RBMS3: variants seen among roughly 807,000 people sequenced by gnomAD.
RBMS3 encodes RNA binding motif single stranded interacting protein 3.
RBMS3 carries 27 observed loss-of-function variants against 66.8 expected under a neutral mutation model. The ratio of observed to expected loss-of-function variants is 0.40; its 90% confidence interval spans 0.30 to 0.56. RBMS3 has a LOEUF of 0.56. Ranked by LOEUF, RBMS3 falls within the 20% of genes least tolerant of loss-of-function variation. RBMS3 has a pLI of 0.40. For missense variants in RBMS3, 513 were observed against 549.5 expected (o/e 0.93, Z 0.66); for synonymous variants, 188 against 183.0 (o/e 1.03, Z -0.22).
At chr3:29,455,394 A>C (rs1465126093) in intron 2 of RBMS3, among the ~76,000 whole-genome samples, 1 of 152,170 alleles carries the variant, frequency 6.6e-6, no homozygotes, top group African/African-American at 2.4e-5. Flanking sequence ...GGTAGAGTCG[A>C]TTCTTGTTAT....
In RBMS3 at chr3:29,456,234, T is replaced by C. The variant is rs140201008; in HGVS notation, c.248+21319T>C. Among the ~76,000 whole-genome samples, 947 of 152,344 alleles carry C rather than the reference T, an allele frequency of 6.2e-3. 11 individuals carry two copies. The highest frequency in any genetic ancestry group is 0.022 in the African/African-American group (904 of 41,574). ...AAGTAGAGTTTACTTTAAAATTATG[T>C]GATATCCAAAGTATCCTTTATTTAT... On this transcript the variant is annotated intron_variant, in intron 2 of 14. Coordinates refer to ENST00000383767, the MANE Select transcript of RBMS3 (RefSeq NM_001003793.3).
intron 2 of RBMS3, among the ~76,000 whole-genome samples, chr3:29,435,996 C>T (rs1349356547): frequency 1.4e-5 from 2 of 146,732 alleles, no homozygotes; most frequent in African/African-American, 2.5e-5. Context: ...GAAGACGAAT[C>T]GTAGACCTGT....
rs2031740522 is a variant in RBMS3, at chr3:29,281,210, TTCTC to T, written c.-464_-461del. 1 of 150,050 alleles carries T rather than the reference TTCTC, an allele frequency of 6.7e-6. No individual in the cohort carries two copies. Among genetic ancestry groups the T allele is most frequent in the Non-Finnish European group, 1.5e-5 (1 of 67,866 alleles). 9.3% of individuals were successfully genotyped at this position (150,050 alleles called of 1,614,324 possible). On this transcript the variant is annotated 5_prime_UTR_variant, in exon 1 of 15. Coordinates refer to ENST00000383767, the MANE Select transcript of RBMS3 (RefSeq NM_001003793.3). The stretch of plus-strand genomic sequence containing the variant: ...TTTCTTTTTCTTTCTTTCTTTCTCT[TTCTC>T]TCTCTCTTTTTTCTTTTTCTTTAAG...
chr3:29,847,034 T>C (rs1239858359), intron 6 of RBMS3, among the ~76,000 whole-genome samples: 1 of 152,196 alleles, frequency 6.6e-6, no homozygotes, highest in Admixed American at 6.5e-5. Flanking sequence ...CCATATCGCA[T>C]GATACACGAT....
intron 2 of RBMS3, among the ~76,000 whole-genome samples, chr3:29,439,934 T>C (rs1368526894): frequency 6.6e-6 from 1 of 152,212 alleles, no homozygotes; most frequent in East Asian, 1.9e-4. Context: ...GGATCATATA[T>C]ATCCTTTATG....
At chr3:29,826,317 T>G (rs1184714430) in intron 6 of RBMS3, among the ~76,000 whole-genome samples, 2 of 152,172 alleles carry the variant, frequency 1.3e-5, no homozygotes, top group Non-Finnish European at 2.9e-5. Flanking sequence ...ACACTGTATT[T>G]TTTATCAGAA....
intron 4 of RBMS3, chr3:29,730,874 A>G (rs2054101775): frequency 1.0e-6 from 1 of 984,808 alleles, no homozygotes; most frequent in Non-Finnish European, 1.2e-6. Context: ...ATGTTAATTT[A>G]GCATTTTCTC....
chr3:29,842,527 C>A (rs1001945369), intron 6 of RBMS3, among the ~76,000 whole-genome samples: 1 of 152,118 alleles, frequency 6.6e-6, no homozygotes, highest in Admixed American at 6.5e-5. Context: ...TTATTATCTA[C>A]AACAATACTT....
intron 9 of RBMS3, among the ~76,000 whole-genome samples, chr3:29,898,036 G>A (rs542688612): frequency 2.6e-5 from 4 of 151,666 alleles, no homozygotes; most frequent in East Asian, 3.9e-4. Flanking sequence ...CAGGGGTTCC[G>A]CATGTTGGAA....
chr3:29,990,460 C>CAAAAAAAAAAAAAAAAAA (rs10596526), intron 13 of RBMS3, among the ~76,000 whole-genome samples: 2 of 106,514 alleles, frequency 1.9e-5, no homozygotes. Context: ...CTGTGAGAAA[C>CAAAAAAAAAAAAAAAAAA]AAAAAAAAAA....
At chr3:29,380,208 AAT>A (rs1491291937) in intron 1 of RBMS3, among the ~76,000 whole-genome samples, 1 of 108,300 alleles carries the variant, frequency 9.2e-6, no homozygotes, top group African/African-American at 3.6e-5. Context: ...TTAGTAGGGG[AAT>A]CTCACACACA....
intron 4 of RBMS3, among the ~76,000 whole-genome samples, chr3:29,659,827 G>A (rs1477462013): frequency 6.6e-6 from 1 of 152,038 alleles, no homozygotes; most frequent in African/African-American, 2.4e-5. Context: ...TACAGCAGCT[G>A]TAACACTTTA....
intron 10 of RBMS3, among the ~76,000 whole-genome samples, chr3:29,928,182 A>ATGTATATATG (rs36082098): frequency 9.8e-6 from 1 of 102,164 alleles, no homozygotes; most frequent in Non-Finnish European, 1.9e-5. Context: ...TTCAAATTTT[A>ATGTATATATG]TATATATATA....
At chr3:29,383,052 C>T (rs557404276) in intron 1 of RBMS3, among the ~76,000 whole-genome samples, 1 of 152,064 alleles carries the variant, frequency 6.6e-6, no homozygotes, top group African/African-American at 2.4e-5. Context: ...GGAAATATAC[C>T]CTTCATCTGT....
intron 4 of RBMS3, among the ~76,000 whole-genome samples, chr3:29,643,812 T>C (rs1405586505): frequency 1.9e-4 from 29 of 152,292 alleles, no homozygotes; most frequent in Admixed American, 1.8e-3. Flanking sequence ...GTAGGTAATA[T>C]TGATCTCGTC....
intron 6 of RBMS3, among the ~76,000 whole-genome samples, chr3:29,770,835 GAAT>G (rs2056168490): frequency 6.6e-6 from 1 of 151,856 alleles, no homozygotes; most frequent in African/African-American, 2.4e-5. Context: ...AAACCAAATT[GAAT>G]AATTAAGTTC....
In RBMS3 at chr3:29,492,222, T is replaced by C. The variant is rs186615824; in HGVS notation, c.307+3723T>C. Among the ~76,000 whole-genome samples, 8 of 152,294 alleles carry C rather than the reference T, an allele frequency of 5.3e-5. No individual in the cohort carries two copies. The East Asian group carries it at 1.4e-3, about 26-fold the overall frequency. On this transcript the variant is annotated intron_variant, in intron 3 of 14. Transcript: ENST00000383767. ...CAGCAAATCATGATCAAAAATATAC[T>C]ACTATCCCTTTCATGTTTTTAGAAA...
At chr3:29,711,856 A>G (rs565373432) in intron 4 of RBMS3, among the ~76,000 whole-genome samples, 10 of 152,270 alleles carry the variant, frequency 6.6e-5, no homozygotes, top group African/African-American at 2.4e-4. Context: ...AATAAAGCAA[A>G]CCAACTACAT....
chr3:29,857,563 A>T (rs1267290410), intron 6 of RBMS3, among the ~76,000 whole-genome samples: 1 of 44,892 alleles, frequency 2.2e-5, no homozygotes, highest in Non-Finnish European at 4.4e-5. Flanking sequence ...TTTTTTGTTA[A>T]AAAAAAAAAA....
Sources: gnomAD v4.1 joint callset for allele counts (sites outside exome capture counted in the v4.1 genomes callset) on GRCh38, gnomAD v4.1.1 for gene constraint, MANE v1.5 for transcripts, NCBI Gene and HGNC (gene_info 2026-07-23, HGNC 2026-07-21) for gene names.